The following PARD3 variants were observed in gnomAD, a reference collection of about 807,000 sequenced individuals.
The protein encoded by PARD3 is partitioning defective 3 homolog.
Under a neutral mutation model 155.4 loss-of-function variants are expected in PARD3, and 75 were observed. That is an observed-to-expected ratio of 0.48 (90% CI 0.40 to 0.58). The LOEUF (loss-of-function observed/expected upper bound fraction) is 0.58. Ranked by LOEUF, PARD3 falls within the 20% of genes least tolerant of loss-of-function variation. The pLI is 0.00. For missense variants in PARD3, 1,642 were observed against 1,721.7 expected (o/e 0.95, Z 0.82); for synonymous variants, 576 against 610.5 (o/e 0.94, Z 0.83).
chr10:34,644,077 C>T (rs2092761562), intron 2 of PARD3, among the ~76,000 whole-genome samples: 2 of 152,126 alleles, frequency 1.3e-5, no homozygotes, highest in African/African-American at 2.4e-5. Flanking sequence ...CAAAATACTA[C>T]AAAACTGTCC....
intron 20 of PARD3, among the ~76,000 whole-genome samples, chr10:34,286,489 T>C (rs1340671546): frequency 6.6e-6 from 1 of 152,096 alleles, no homozygotes; most frequent in African/African-American, 2.4e-5. Flanking sequence ...AGATCTGAGC[T>C]AGAGGGAGCC....
intron 23 of PARD3, among the ~76,000 whole-genome samples, chr10:34,129,862 G>A (rs1316497178): frequency 6.7e-6 from 1 of 148,380 alleles, no homozygotes; most frequent in Non-Finnish European, 1.5e-5. Flanking sequence ...TAGAGATGGG[G>A]TCTCCCTATG....
At chr10:34,417,542 A>G (rs1054390064) in intron 5 of PARD3, among the ~76,000 whole-genome samples, 6 of 152,318 alleles carry the variant, frequency 3.9e-5, no homozygotes, top group African/African-American at 1.4e-4. Context: ...GAAATTCTTA[A>G]AGGTGATTTG....
At chr10:34,185,808 C>T (rs1564464479) in intron 22 of PARD3, among the ~76,000 whole-genome samples, 1 of 117,004 alleles carries the variant, frequency 8.5e-6, no homozygotes, top group Non-Finnish European at 1.8e-5. Flanking sequence ...ACAGTAACAT[C>T]TTCTATATTA....
chr10:34,145,111 T>C (rs1948392068), intron 22 of PARD3, among the ~76,000 whole-genome samples: 1 of 150,570 alleles, frequency 6.6e-6, no homozygotes, highest in African/African-American at 2.4e-5. Flanking sequence ...TGTTGCTCTA[T>C]TATCTTCTAG....
chr10:34,159,685 A>T (rs1289009543), intron 22 of PARD3, among the ~76,000 whole-genome samples: 1 of 152,236 alleles, frequency 6.6e-6, no homozygotes, highest in Non-Finnish European at 1.5e-5. Flanking sequence ...CAACAAACAA[A>T]GCTAATGTAG....
At chr10:34,462,958 G>C (rs562706317) in intron 4 of PARD3, among the ~76,000 whole-genome samples, 5 of 111,684 alleles carry the variant, frequency 4.5e-5, no homozygotes, top group Non-Finnish European at 3.8e-5. Context: ...GGAAGAGAAG[G>C]GGGGAAGGGA....
At chr10:34,695,477 C>CAAAAAA (rs60331770) in intron 2 of PARD3, among the ~76,000 whole-genome samples, 2 of 109,540 alleles carry the variant, frequency 1.8e-5, no homozygotes, top group Admixed American at 2.1e-4. Context: ...GACTCCATCT[C>CAAAAAA]AAAAAAAAAA....
intron 2 of PARD3, among the ~76,000 whole-genome samples, chr10:34,596,403 C>A (rs900828885): frequency 6.6e-6 from 1 of 152,050 alleles, no homozygotes; most frequent in African/African-American, 2.4e-5. Context: ...GAGGTTTAAT[C>A]GACTCACAAT....
intron 2 of PARD3, among the ~76,000 whole-genome samples, chr10:34,524,794 T>A (rs1180150154): frequency 6.6e-6 from 1 of 152,146 alleles, no homozygotes; most frequent in African/African-American, 2.4e-5. Context: ...TACAGATAGG[T>A]TGACTCCAAA....
chr10:34,241,837 C>T (rs17462556), intron 22 of PARD3, among the ~76,000 whole-genome samples: 19 of 152,120 alleles, frequency 1.2e-4, no homozygotes, highest in African/African-American at 4.6e-4. Context: ...AAATAGGCGT[C>T]ATCAGTACTT....
At chr10:34,293,182 C>T (rs1051301217) in intron 20 of PARD3, among the ~76,000 whole-genome samples, 7 of 152,150 alleles carry the variant, frequency 4.6e-5, no homozygotes, top group African/African-American at 1.7e-4. Context: ...ATAATCTATA[C>T]TTACAGCCAT....
intron 2 of PARD3, among the ~76,000 whole-genome samples, chr10:34,662,015 T>G (rs111840365): frequency 3.3e-5 from 5 of 152,276 alleles, no homozygotes; most frequent in African/African-American, 1.2e-4. Flanking sequence ...ATTCTGCTCC[T>G]TTGACCTGCA....
At chr10:34,435,082 G>A (rs2076121966) in intron 5 of PARD3, among the ~76,000 whole-genome samples, 1 of 152,084 alleles carries the variant, frequency 6.6e-6, no homozygotes, top group Non-Finnish European at 1.5e-5. Context: ...ACACTTACAT[G>A]CAATTTCAGA....
chr10:34,286,070 T>C (rs1315964713), intron 20 of PARD3, among the ~76,000 whole-genome samples: 1 of 152,106 alleles, frequency 6.6e-6, no homozygotes, highest in Non-Finnish European at 1.5e-5. Flanking sequence ...ATACAAAACA[T>C]TAAAAATAAA....
intron 7 of PARD3, among the ~76,000 whole-genome samples, chr10:34,390,514 C>T (rs1356468196): frequency 6.6e-6 from 1 of 152,158 alleles, no homozygotes; most frequent in African/African-American, 2.4e-5. Flanking sequence ...CTTATTTAAA[C>T]CATACAAAAG....
intron 1 of PARD3, among the ~76,000 whole-genome samples, chr10:34,809,665 C>T (rs1843852742): frequency 1.3e-5 from 2 of 152,206 alleles, no homozygotes; most frequent in South Asian, 4.1e-4. Context: ...GGGGTCCCTA[C>T]AGGGACAGGC....
intron 1 of PARD3, among the ~76,000 whole-genome samples, chr10:34,762,288 GAC>G (rs1837549095): frequency 7.3e-6 from 1 of 136,746 alleles, no homozygotes; most frequent in Non-Finnish European, 1.6e-5. Flanking sequence ...GAGACAGAGA[GAC>G]AGAGAGAGAG....
chr10:34,707,712 T>C (rs1045077657), intron 1 of PARD3, among the ~76,000 whole-genome samples: 1 of 152,198 alleles, frequency 6.6e-6, no homozygotes, highest in Non-Finnish European at 1.5e-5. Context: ...CACACACACA[T>C]ATTTGTCTCC....
Sources: gnomAD v4.1 joint callset for allele counts (sites outside exome capture counted in the v4.1 genomes callset) on GRCh38, gnomAD v4.1.1 for gene constraint, MANE v1.5 for transcripts, NCBI Gene and HGNC (gene_info 2026-07-23, HGNC 2026-07-21) for gene names.